Variants in EBI3 observed in about 807,000 individuals in gnomAD.
The protein encoded by EBI3 is interleukin-27 subunit beta.
EBI3 carries 19 observed loss-of-function variants against 21.3 expected under a neutral mutation model. The observed-to-expected ratio is 0.89, with a 90% CI of 0.62 to 1.31. The LOEUF is 1.31. Ranked by LOEUF, EBI3 falls within the 50% of genes most tolerant of loss-of-function variation. The pLI is 0.00. For synonymous variants in EBI3, 154 were observed against 131.2 expected (o/e 1.17, Z -1.19); for missense variants, 331 against 314.0 (o/e 1.05, Z -0.41).
intron 4 of EBI3, among the ~76,000 whole-genome samples, chr19:4,235,400 A>G (rs1599489167): frequency 6.7e-6 from 1 of 149,286 alleles, no homozygotes; most frequent in Admixed American, 6.7e-5. Context: ...GCTCGCTGAA[A>G]CCTCCGCCTC....
Position 4,233,111 on chromosome 19 carries a change from G to C in EBI3, c.201-18G>C. 6.4e-7 allele frequency: 1 copy of C among 1,559,836 alleles called. No individual in the cohort carries two copies. Among genetic ancestry groups the C allele is most frequent in the Non-Finnish European group, 8.6e-7 (1 of 1,160,672 alleles). ...ACAGGCACTCCCTGAGGCGCTCAGC[G>C]AGCCCCACCCTGTGCAGGCTCGGCA... On this transcript the variant is annotated intron_variant, in intron 2 of 4. Transcript: ENST00000221847.
chr19:4,236,956 G>T lies in EBI3; in HGVS notation c.558G>T (p.Thr186=), dbSNP rs549335769. Residue 186 remains threonine, a synonymous_variant, in exon 5 of 5, where the codon ACG becomes ACT. Coordinates refer to ENST00000221847, the MANE Select transcript of EBI3 (RefSeq NM_005755.3). Reference sequence around the variant, plus strand: ...CTCAGGTGGGGCCCATTGAAGCCACGTCCTTCATCCTCAGGGCTGTGCGGC... The same window carrying T: ...CTCAGGTGGGGCCCATTGAAGCCACTTCCTTCATCCTCAGGGCTGTGCGGC... ...RFHRVGPIEA[T]SFILRAVRPR... The T allele has an allele frequency of 6.6e-7, 1 of 1,509,590 alleles. No individual in the cohort carries two copies. Among genetic ancestry groups the T allele is most frequent in the South Asian group, 1.3e-5 (1 of 77,134 alleles). The allele number at this position is 1,509,590 out of a possible 1,614,324, so 93.5% of individuals were successfully genotyped here. A position where few individuals can be genotyped will look rare whatever the true frequency, so the allele number is the denominator to read the frequency against.
Position 4,231,175 on chromosome 19 carries a change from TTC to T in EBI3, c.68-14_68-13del, listed in dbSNP as rs768355063. ...TGGGGGTAAACCAGAAGCTCACTCT[TTC>T]TGTCTTCCTCCAGGGCCCCCAGCAG... is the stretch of plus-strand genomic sequence containing the variant. On this transcript the variant is annotated splice_polypyrimidine_tract_variant and intron_variant, in intron 1 of 4. Transcript: ENST00000221847. 2.4e-5 allele frequency: 38 copies of T among 1,560,850 alleles called. No individual in the cohort carries two copies. The highest frequency in any genetic ancestry group is 9.7e-5 in the African/African-American group (7 of 72,174).
rs1006219593 is a variant in EBI3 at position 4,231,422 on chromosome 19, C to T, written c.200+99C>T. 9.2e-6 allele frequency: 13 copies of T among 1,407,690 alleles called. 1 individual carries two copies. The highest frequency in any genetic ancestry group is 7.9e-5 in the South Asian group (5 of 63,016). The allele number at this position is 1,407,690 out of a possible 1,614,324, so 87.2% of individuals were successfully genotyped here. On this transcript the variant is annotated intron_variant, in intron 2 of 4. Transcript: ENST00000221847. Reference sequence around the variant, plus strand: ...CTGGGGTCAGGAAAACTGGAGACCCCGACATCCTGAACCCCAGGCCTATGG... The same window carrying T: ...CTGGGGTCAGGAAAACTGGAGACCCTGACATCCTGAACCCCAGGCCTATGG...
intron 3 of EBI3, 28 bp downstream of exon 3, chr19:4,233,335 G>T: frequency 6.5e-7 from 1 of 1,546,950 alleles, no homozygotes. Context: ...TGGGGGCGGG[G>T]GCGGGGCTGC....
At chr19:4,232,979 C>T (rs1033183832) in intron 2 of EBI3, 150 bp from the exon 3 acceptor site, 55 of 872,362 alleles carry the variant, frequency 6.3e-5, no homozygotes, top group Admixed American at 1.1e-4. Context: ...GGGGGTGGCA[C>T]GGCCACCACC....
chr19:4,231,771 A>C (rs1256318168), intron 2 of EBI3, among the ~76,000 whole-genome samples: 1 of 44,384 alleles, frequency 2.3e-5, no homozygotes, highest in East Asian at 1.7e-3. Context: ...ACTCCATCTC[A>C]AAAAAAAAAA....
At chr19:4,236,793 T>C in intron 4 of EBI3, 143 bp from the exon 5 acceptor site, 1 of 956,068 alleles carries the variant, frequency 1.0e-6, no homozygotes, top group Non-Finnish European at 1.4e-6. Context: ...CTATTTGGGG[T>C]GGGGCCGCAC....
In EBI3 at chr19:4,232,923, G is replaced by A. The variant is rs1049363033; in HGVS notation, c.201-206G>A. On this transcript the variant is annotated intron_variant, in intron 2 of 4. Transcript: ENST00000221847. ...TAGCTTGGGTTGTAATCCCCGACCT[G>A]AACCATCAGGGGCACCGTGATGTTG... is the stretch of plus-strand genomic sequence containing the variant. The A allele has an allele frequency of 7.8e-6, 4 of 511,856 alleles. No homozygotes were observed. In the Admixed American group the frequency reaches 1.6e-4, roughly 21 times the overall value. The allele number at this position is 511,856 out of a possible 1,614,324, so 31.7% of individuals were successfully genotyped here.
At chr19:4,234,070 G>T (rs1237211684) in intron 3 of EBI3, among the ~76,000 whole-genome samples, 1 of 152,218 alleles carries the variant, frequency 6.6e-6, no homozygotes, top group East Asian at 1.9e-4. Flanking sequence ...GCTGGGCATA[G>T]TGGCAGGTGC....
rs893580466 is a variant in EBI3 at position 4,237,202 on chromosome 19, G to C, written c.*114G>C. Reference sequence around the variant, plus strand: ...TAGCCTGGGCTGGAGTCCTTGCTTTGCTGCTGCTGAGCTGCCGGGCAACCT... The same window carrying C: ...TAGCCTGGGCTGGAGTCCTTGCTTTCCTGCTGCTGAGCTGCCGGGCAACCT... On this transcript the variant is annotated 3_prime_UTR_variant, in exon 5 of 5. Coordinates refer to ENST00000221847, the MANE Select transcript of EBI3 (RefSeq NM_005755.3). 2 of 1,313,250 alleles carry C rather than the reference G, an allele frequency of 1.5e-6. No homozygotes were observed. Among genetic ancestry groups the C allele is most frequent in the African/African-American group, 3.1e-5 (2 of 65,056 alleles). 81.3% of individuals were successfully genotyped at this position (1,313,250 alleles called of 1,614,324 possible).
chr19:4,231,283 C>G lies in EBI3; in HGVS notation c.160C>G (p.Pro54Ala), dbSNP rs138716728. The change falls in exon 2 of 5, where the codon CCA (proline) becomes GCA (alanine). Residue 54 changes from proline (P) to alanine (A), a missense_variant. Transcript: ENST00000221847. ...TTGCTCCTGGACCCTGCCGCCTGCT[C>G]CAAACTCCACCAGCCCCGTGTCCTT... ...VDCSWTLPPA[P>A]NSTSPVSFIA... 12 of 1,613,144 alleles carry G rather than the reference C, an allele frequency of 7.4e-6. No individual in the cohort carries two copies. The highest frequency in any genetic ancestry group is 1.0e-5 in the Non-Finnish European group (12 of 1,179,748).
At chr19:4,236,518 C>CAAAAAA (rs4009634) in intron 4 of EBI3, among the ~76,000 whole-genome samples, 569 of 30,492 alleles carry the variant, frequency 0.019, 168 homozygotes, top group East Asian at 0.042. Flanking sequence ...AAGACTGTCT[C>CAAAAAA]AAAAAAAAAA....
intron 2 of EBI3, 162 bp from the exon 3 acceptor site, chr19:4,232,967 C>A (rs1388078754): frequency 2.6e-6 from 2 of 758,408 alleles, no homozygotes; most frequent in Non-Finnish European, 3.9e-6. Flanking sequence ...GCCCTGCCCC[C>A]GGGGGGTGGC....
At chr19:4,232,771 TGAATTAATGAATGAATGAAG>T (rs796201758) in intron 2 of EBI3, among the ~76,000 whole-genome samples, 7,690 of 142,190 alleles carry the variant, frequency 0.054, 680 homozygotes, top group African/African-American at 0.18. Flanking sequence ...AATGAAGGAA[TGAATTAATGAATGAATGAAG>T]GAATGAATTA....
rs1803524 is a variant in EBI3, at chr19:4,234,808, C to G, written c.521C>G (p.Ala174Gly). The change falls in exon 4 of 5, where the codon GCT (alanine) becomes GGT (glycine). Residue 174 changes from alanine (A) to glycine (G), a missense_variant. By Grantham distance (60) the Ala-to-Gly change is moderately conservative. Transcript: ENST00000221847. ...KYWIRYKRQG[A>G]ARFHRVGPIE... ...TGGATCCGTTACAAGCGTCAGGGAG[C>G]TGCGCGCTTCCACCGGGTGAGGAGG... is the stretch of plus-strand genomic sequence containing the variant. 28 of 1,613,800 alleles carry G rather than the reference C, an allele frequency of 1.7e-5. No homozygotes were observed. The East Asian group carries it at 6.0e-4, about 35-fold the overall frequency.
At chr19:4,233,459 T>G in intron 3 of EBI3, 152 bp downstream of exon 3, 1 of 895,356 alleles carries the variant, frequency 1.1e-6, no homozygotes, top group Non-Finnish European at 1.6e-6. Context: ...TACCAGTACG[T>G]GGAGCACCCC....
At position 4,229,627 on chromosome 19, in the gene EBI3, G is replaced by GT; in HGVS notation, c.67+10_67+11insT. 8 of 1,601,524 alleles carry GT rather than the reference G, an allele frequency of 5.0e-6. No individual in the cohort carries two copies. Among genetic ancestry groups the GT allele is most frequent in the Non-Finnish European group, 6.8e-6 (8 of 1,174,616 alleles). On this transcript the variant is annotated intron_variant, in intron 1 of 4. Coordinates refer to ENST00000221847, the MANE Select transcript of EBI3 (RefSeq NM_005755.3). ...TGCAGTGGAAGGAAAGGTATGTGGGGCCCCTGGGGGACTGGGGGGCCCAGG... is the reference window on the plus strand; with the variant it reads ...TGCAGTGGAAGGAAAGGTATGTGGGGTCCCCTGGGGGACTGGGGGGCCCAGG...
chr19:4,232,703 G>A (rs9807923), intron 2 of EBI3, among the ~76,000 whole-genome samples: 10,507 of 152,030 alleles, frequency 0.069, 567 homozygotes, highest in South Asian at 0.3. Context: ...CAGCCTGGGC[G>A]CCAGAGGGAG....
Sources: allele counts gnomAD v4.1 joint callset (sites outside exome capture counted in the v4.1 genomes callset), GRCh38; gene constraint gnomAD v4.1.1; transcripts MANE v1.5; gene names NCBI Gene and HGNC (gene_info 2026-07-23, HGNC 2026-07-21).